Variants in AGBL2 observed in about 807,000 individuals in gnomAD.
The protein encoded by AGBL2 is cytosolic carboxypeptidase 2.
Under a neutral mutation model 103.0 loss-of-function variants are expected in AGBL2, and 87 were observed. That is an observed-to-expected ratio of 0.84 (90% CI 0.71 to 1.01). The LOEUF (loss-of-function observed/expected upper bound fraction) is 1.01. AGBL2 is among the 50% of genes least tolerant of loss of function. The pLI is 0.00. For missense variants in AGBL2, 904 were observed against 1,023.5 expected, an observed-to-expected ratio of 0.88 and a Z score of 1.59; for synonymous variants, 335 against 356.7, an observed-to-expected ratio of 0.94 and a Z score of 0.69.
chr11:47,666,383 C>T (rs2097341333), intron 17 of AGBL2, among the ~76,000 whole-genome samples: 2 of 140,106 alleles, frequency 1.4e-5, no homozygotes, highest in Non-Finnish European at 3.1e-5. Context: ...CAGAGTAAGA[C>T]TCCATCTCAA....
intron 4 of AGBL2, among the ~76,000 whole-genome samples, chr11:47,708,412 A>G (rs765319496): frequency 2.6e-5 from 4 of 151,662 alleles, no homozygotes; most frequent in Non-Finnish European, 5.9e-5. Flanking sequence ...GAGCTGTTAT[A>G]TGTAAAGGAA....
chr11:47,715,003 G>A (rs2097545838), intron 1 of AGBL2, 172 bp downstream of exon 1: 2 of 262,418 alleles, frequency 7.6e-6, no homozygotes, highest in African/African-American at 2.3e-5. Context: ...TGAAAGAAAT[G>A]GGTATGGGAG....
intron 11 of AGBL2, 144 bp from the exon 12 acceptor site, chr11:47,682,239 G>A (rs1337157226): frequency 7.1e-6 from 6 of 848,442 alleles, no homozygotes; most frequent in Non-Finnish European, 1.1e-5. Context: ...AATTTGGAGG[G>A]ATGTTAACAG....
chr11:47,695,550 A>T (rs1381900412), intron 8 of AGBL2, among the ~76,000 whole-genome samples: 1 of 148,460 alleles, frequency 6.7e-6, no homozygotes, highest in African/African-American at 2.5e-5. Context: ...TGAAGTGGGT[A>T]GATTGCTTGA....
chr11:47,660,333 C>T lies in AGBL2; in HGVS notation c.2549G>A (p.Gly850Asp), dbSNP rs778124129. 3.7e-6 allele frequency: 6 copies of T among 1,611,580 alleles called. No homozygotes were observed. The highest frequency in any genetic ancestry group is 2.2e-5 in the East Asian group (1 of 44,852). ...CTTTGGAGAGCATGATACTGTAAAGCCTGGCTTCTTATTCTGTGCAAATAA... is the reference window on the plus strand; with the variant it reads ...CTTTGGAGAGCATGATACTGTAAAGTCTGGCTTCTTATTCTGTGCAAATAA... Reference protein sequence around the residue: ...NKGRMQNKKPGFTVSCSPKRT... With the variant: ...NKGRMQNKKPDFTVSCSPKRT... The change falls in exon 19 of 19, where the codon GGC (glycine) becomes GAC (aspartate). Residue 850 changes from glycine (G) to aspartate (D), a missense_variant. By Grantham distance (94) the Gly-to-Asp change is moderately conservative. Transcript: ENST00000525123.
chr11:47,698,175 T>C (rs866547951), intron 8 of AGBL2, among the ~76,000 whole-genome samples: 3 of 144,936 alleles, frequency 2.1e-5, no homozygotes, highest in Non-Finnish European at 4.5e-5. Context: ...ATAATTTTTT[T>C]TTTTTTTTTT....
intron 8 of AGBL2, among the ~76,000 whole-genome samples, chr11:47,698,579 T>C (rs540329543): frequency 6.6e-6 from 1 of 152,316 alleles, no homozygotes; most frequent in South Asian, 2.1e-4. Context: ...AAGAAGCCTT[T>C]TTCGTTTTGA....
intron 10 of AGBL2, among the ~76,000 whole-genome samples, chr11:47,689,081 T>G (rs1352898536): frequency 6.6e-6 from 1 of 152,054 alleles, no homozygotes; most frequent in African/African-American, 2.4e-5. Flanking sequence ...GGCATGAAAA[T>G]TCCTTTAAGG....
Position 47,677,323 on chromosome 11 carries a change from C to T in AGBL2, c.2095G>A (p.Val699Ile), listed in dbSNP as rs760731488. 1.9e-6 allele frequency: 3 copies of T among 1,611,914 alleles called. No individual in the cohort carries two copies. Among genetic ancestry groups the T allele is most frequent in the East Asian group, 4.5e-5 (2 of 44,738 alleles). ...TCACTCCAACTTCCTTCTAAATCTA[C>T]ATCTTGTCCAAGTTCATGGAATTTC... is the stretch of plus-strand genomic sequence containing the variant. ...HKKFHELGQD[V>I]DLEGSWSDIS... Residue 699 changes from valine (V) to isoleucine (I), a missense_variant, in exon 14 of 19, where the codon GTA (valine) becomes ATA (isoleucine). Coordinates refer to ENST00000525123, the MANE Select transcript of AGBL2 (RefSeq NM_024783.4).
At chr11:47,660,839 A>G (rs2097326179) in intron 18 of AGBL2, among the ~76,000 whole-genome samples, 1 of 152,186 alleles carries the variant, frequency 6.6e-6, no homozygotes, top group East Asian at 1.9e-4. Context: ...TACAGGCGTG[A>G]GCCACCACGC....
chr11:47,678,866 T>A (rs2153803478), intron 13 of AGBL2, among the ~76,000 whole-genome samples: 1 of 148,864 alleles, frequency 6.7e-6, no homozygotes, highest in East Asian at 2.1e-4. Context: ...CAGACCAGCC[T>A]GACCAATATG....
intron 10 of AGBL2, among the ~76,000 whole-genome samples, chr11:47,686,302 C>T (rs1278571060): frequency 6.6e-6 from 1 of 151,882 alleles, no homozygotes; most frequent in Non-Finnish European, 1.5e-5. Flanking sequence ...AGGGTCTTGC[C>T]CTGTTGCTCA....
chr11:47,703,829 G>A (rs908081003), intron 7 of AGBL2, among the ~76,000 whole-genome samples: 2 of 151,442 alleles, frequency 1.3e-5, no homozygotes, highest in Non-Finnish European at 2.9e-5. Flanking sequence ...GGGGGCTGAG[G>A]CAGGAGAATC....
At chr11:47,696,646 A>C (rs1390732667) in intron 8 of AGBL2, among the ~76,000 whole-genome samples, 4 of 152,040 alleles carry the variant, frequency 2.6e-5, no homozygotes, top group African/African-American at 9.7e-5. Context: ...TTCTTCCTTG[A>C]GTCAGTTTTT....
rs745352353 is a variant in AGBL2, at chr11:47,690,249, G to A, written c.1458C>T (p.Ala486=). ...AGACAAAAATATCTCTGAGGAGCTG[G>A]GCATCTGGGGAGTTGCTAAGGATGA... is the stretch of plus-strand genomic sequence containing the variant. The part of the protein sequence containing the change: ...LDFILSNSPD[A]QLLRDIFVFK... Residue 486 remains alanine (A), a synonymous_variant, in exon 10 of 19, where the codon GCC becomes GCT. Transcript: ENST00000525123. The A allele has an allele frequency of 1.2e-6, 2 of 1,614,054 alleles. No homozygotes were observed. Among genetic ancestry groups the A allele is most frequent in the South Asian group, 2.2e-5 (2 of 91,054 alleles).
chr11:47,711,687 C>T (rs2097536797), intron 3 of AGBL2, among the ~76,000 whole-genome samples: 1 of 152,182 alleles, frequency 6.6e-6, no homozygotes, highest in South Asian at 2.1e-4. Flanking sequence ...GCGTGCAACA[C>T]CATGCCCAGC....
chr11:47,665,747 C>T (rs1415338285), intron 17 of AGBL2, among the ~76,000 whole-genome samples: 6 of 152,098 alleles, frequency 3.9e-5, no homozygotes, highest in Non-Finnish European at 5.9e-5. Flanking sequence ...TAGTGGCTCA[C>T]ACCTGTAATC....
At chr11:47,681,296 C>G (rs957884756) in intron 12 of AGBL2, among the ~76,000 whole-genome samples, 5 of 151,988 alleles carry the variant, frequency 3.3e-5, no homozygotes, top group African/African-American at 1.2e-4. Flanking sequence ...CATGCCACTA[C>G]ACTCTAGCCT....
rs768479776 is a variant in AGBL2 at position 47,710,519 on chromosome 11, T to C, written c.98-8A>G. ...GTAAACTGCCTCTCTGAGCTAAAAA[T>C]TGGCAGTTTAATTAAAGTTGCTGGA... is the stretch of plus-strand genomic sequence containing the variant. On this transcript the variant is annotated splice_polypyrimidine_tract_variant and splice_region_variant and intron_variant, in intron 3 of 18. Coordinates refer to ENST00000525123, the MANE Select transcript of AGBL2 (RefSeq NM_024783.4). 3 of 1,613,918 alleles carry C rather than the reference T, an allele frequency of 1.9e-6. No homozygotes were observed. The highest frequency in any genetic ancestry group is 1.1e-5 in the South Asian group (1 of 91,082).
Sources: allele counts gnomAD v4.1 joint callset (sites outside exome capture counted in the v4.1 genomes callset), GRCh38; gene constraint gnomAD v4.1.1; transcripts MANE v1.5; gene names NCBI Gene and HGNC (gene_info 2026-07-23, HGNC 2026-07-21).